The following KLRG1 variants were observed in gnomAD, a reference collection of about 807,000 sequenced individuals.
KLRG1 encodes the protein killer cell lectin like receptor G1, also known as killer cell lectin-like receptor subfamily G member 1.
A neutral mutation model predicts 21.8 loss-of-function variants in KLRG1; 16 were observed. The ratio of observed to expected loss-of-function variants is 0.73; its 90% CI spans 0.50 to 1.11. KLRG1 has a LOEUF of 1.11. Ranked by LOEUF, KLRG1 falls within the 50% of genes most tolerant of loss-of-function variation. The probability of loss-of-function intolerance (pLI) is 0.00; values close to 1 mark genes in which losing one functional copy is unlikely to be tolerated. For synonymous variants in KLRG1, 69 were observed against 75.9 expected (o/e 0.91, Z 0.47); for missense variants, 173 against 218.3 (o/e 0.79, Z 1.31).
At chr12:9,041,482 T>C in the KLRG1 span, among the ~76,000 whole-genome samples, 1 of 152,180 alleles carries the variant, frequency 6.6e-6, no homozygotes. Flanking sequence ...AGAATTTGAG[T>C]CTATTTTTAC....
chr12:9,169,749 A>G, the KLRG1 span: 1 of 617,788 alleles, frequency 1.6e-6, no homozygotes, highest in Non-Finnish European at 2.4e-6. Flanking sequence ...TATATTTAAC[A>G]GTGTTGTTTT....
the KLRG1 span, among the ~76,000 whole-genome samples, chr12:9,213,388 G>T: frequency 2.6e-5 from 4 of 152,110 alleles, no homozygotes; most frequent in Non-Finnish European, 5.9e-5. Flanking sequence ...TTAACTTTTT[G>T]CAGAACTGCC....
the KLRG1 span, chr12:9,058,585 C>A: frequency 6.6e-6 from 1 of 151,892 alleles, no homozygotes; most frequent in Non-Finnish European, 1.5e-5. Flanking sequence ...AAATCCATAC[C>A]TACTGGCCTC....
At chr12:9,152,349 G>A in the KLRG1 span, 46 of 1,484,140 alleles carry the variant, frequency 3.1e-5, 1 homozygote, top group African/African-American at 2.9e-4. Flanking sequence ...GGTTTTATAC[G>A]TGAAAGAAAG....
intron 1 of KLRG1, among the ~76,000 whole-genome samples, chr12:8,970,099 G>A (rs984589225): frequency 6.6e-6 from 1 of 152,210 alleles, no homozygotes; most frequent in African/African-American, 2.4e-5. Flanking sequence ...CTGGGCTACA[G>A]AGGGAGACCT....
At chr12:9,150,949 A>C in the KLRG1 span, among the ~76,000 whole-genome samples, 2 of 152,214 alleles carry the variant, frequency 1.3e-5, no homozygotes, top group Admixed American at 1.3e-4. Flanking sequence ...TTTCTTCTAA[A>C]CAACTGAGCC....
At chr12:9,069,886 T>C in the KLRG1 span, 1 of 1,311,520 alleles carries the variant, frequency 7.6e-7, no homozygotes, top group South Asian at 1.2e-5. Flanking sequence ...AAAAAATCTT[T>C]GTATTGCCAA....
At chr12:8,994,974 C>G (rs973823546) in intron 2 of KLRG1, 145 bp from the exon 3 acceptor site, 2 of 605,482 alleles carry the variant, frequency 3.3e-6, no homozygotes, top group Non-Finnish European at 2.7e-6. Context: ...TGACACCACG[C>G]ATTGTTACAC....
chr12:9,027,083 A>G, the KLRG1 span, among the ~76,000 whole-genome samples: 2 of 130,148 alleles, frequency 1.5e-5, no homozygotes, highest in Non-Finnish European at 3.3e-5. Flanking sequence ...TTGTTTTGAA[A>G]TATATATATA....
At chr12:9,194,655 G>T in the KLRG1 span, among the ~76,000 whole-genome samples, 1 of 151,838 alleles carries the variant, frequency 6.6e-6, no homozygotes, top group Non-Finnish European at 1.5e-5. Context: ...TAGTAGAGAC[G>T]GGGTTTCACC....
the KLRG1 span, among the ~76,000 whole-genome samples, chr12:9,022,271 C>T: frequency 6.6e-6 from 1 of 152,162 alleles, no homozygotes; most frequent in Non-Finnish European, 1.5e-5. Flanking sequence ...TTTGTTTGCA[C>T]CTGCCTCACC....
At chr12:9,165,916 A>C in the KLRG1 span, 1 of 1,068,606 alleles carries the variant, frequency 9.4e-7, no homozygotes. Context: ...TGCGCATTTT[A>C]CTTAGGTCTA....
the KLRG1 span, among the ~76,000 whole-genome samples, chr12:9,097,871 T>G: frequency 0.56 from 84,676 of 151,608 alleles, 25,190 homozygotes; most frequent in African/African-American, 0.76. Flanking sequence ...GATCTCAAGT[T>G]ATCTGCCTGC....
At chr12:9,083,420 C>T in the KLRG1 span, among the ~76,000 whole-genome samples, 1 of 151,342 alleles carries the variant, frequency 6.6e-6, no homozygotes, top group African/African-American at 2.4e-5. Flanking sequence ...TTATCTGCAA[C>T]TTAGCTAATA....
chr12:9,027,926 G>A, the KLRG1 span: 91 of 880,418 alleles, frequency 1.0e-4, no homozygotes, highest in Non-Finnish European at 1.3e-4. Flanking sequence ...TAGATGAAGC[G>A]CTAGCTCTCT....
At chr12:8,982,734 CT>C (rs926810330) in intron 1 of KLRG1, among the ~76,000 whole-genome samples, 3 of 151,586 alleles carry the variant, frequency 2.0e-5, no homozygotes, top group African/African-American at 7.3e-5. Context: ...CAACCTCCAC[CT>C]TTTGGGTTCA....
chr12:9,071,371 C>A, the KLRG1 span, among the ~76,000 whole-genome samples: 2 of 151,480 alleles, frequency 1.3e-5, no homozygotes, highest in Non-Finnish European at 2.9e-5. Flanking sequence ...AGTTTGCATC[C>A]GAAATTTGGA....
the KLRG1 span, among the ~76,000 whole-genome samples, chr12:9,184,282 T>C: frequency 2.0e-5 from 3 of 151,908 alleles, no homozygotes. Flanking sequence ...GCCCCTGCAA[T>C]GGAGCTGCCA....
chr12:9,164,180 C>A, the KLRG1 span: 3 of 1,610,246 alleles, frequency 1.9e-6, no homozygotes, highest in Non-Finnish European at 8.5e-7. Flanking sequence ...TCTCTCATTT[C>A]CACAGATACA....
Sources: allele counts gnomAD v4.1 joint callset (sites outside exome capture counted in the v4.1 genomes callset), GRCh38; gene constraint gnomAD v4.1.1; transcripts MANE v1.5; gene names NCBI Gene and HGNC (gene_info 2026-07-23, HGNC 2026-07-21).